MAP7: variants seen among roughly 807,000 people sequenced by gnomAD.
The protein encoded by MAP7 is ensconsin.
A neutral mutation model predicts 94.8 loss-of-function variants in MAP7; 52 were observed. The ratio of observed to expected loss-of-function variants is 0.55; its 90% CI spans 0.44 to 0.69. The LOEUF (loss-of-function observed/expected upper bound fraction) is 0.69. Ranked by LOEUF, MAP7 falls within the 30% of genes least tolerant of loss-of-function variation. The pLI, the probability that MAP7 is intolerant of heterozygous loss-of-function variation, is 0.00. For synonymous variants in MAP7, 350 were observed against 357.0 expected, an observed-to-expected ratio of 0.98 and a Z score of 0.22; for missense variants, 940 against 964.6, an observed-to-expected ratio of 0.97 and a Z score of 0.34.
At chr6:136,366,567 C>T in intron 8 of MAP7, 128 bp from the exon 9 acceptor site, 1 of 649,090 alleles carries the variant, frequency 1.5e-6, no homozygotes, top group Admixed American at 2.5e-5. Context: ...GTCACATATA[C>T]CCATTCCATC....
At chr6:136,430,096 T>G (rs1261364259) in intron 1 of MAP7, among the ~76,000 whole-genome samples, 1 of 152,218 alleles carries the variant, frequency 6.6e-6, no homozygotes, top group African/African-American at 2.4e-5. Flanking sequence ...CCATCTATAT[T>G]TTAACCGCTG....
intron 3 of MAP7, among the ~76,000 whole-genome samples, chr6:136,401,003 T>G (rs1203886984): frequency 6.6e-6 from 1 of 152,192 alleles, no homozygotes. Flanking sequence ...TCATGCATGG[T>G]GCACCCTAAC....
At chr6:136,500,903 T>G (rs1290837427) in intron 1 of MAP7, among the ~76,000 whole-genome samples, 1 of 152,152 alleles carries the variant, frequency 6.6e-6, no homozygotes, top group Non-Finnish European at 1.5e-5. Flanking sequence ...TTAGTAGATT[T>G]TAAAGCAGAG....
At chr6:136,535,319 G>A (rs1034063437) in intron 1 of MAP7, among the ~76,000 whole-genome samples, 2 of 152,098 alleles carry the variant, frequency 1.3e-5, no homozygotes, top group African/African-American at 4.8e-5. Flanking sequence ...AGGCTTCCTG[G>A]GACCCTCAGC....
intron 1 of MAP7, chr6:136,525,716 G>C: frequency 1.8e-6 from 2 of 1,131,308 alleles, no homozygotes; most frequent in South Asian, 3.4e-5. Context: ...GTGCTAGGAG[G>C]TCACAAGCAC....
chr6:136,472,425 G>A (rs888523661), intron 1 of MAP7, among the ~76,000 whole-genome samples: 1 of 152,144 alleles, frequency 6.6e-6, no homozygotes, highest in Non-Finnish European at 1.5e-5. Flanking sequence ...AGAATATGGG[G>A]CTAAAATACC....
intron 16 of MAP7, among the ~76,000 whole-genome samples, chr6:136,355,121 G>C (rs1790506742): frequency 6.6e-6 from 1 of 152,092 alleles, no homozygotes; most frequent in Non-Finnish European, 1.5e-5. Context: ...GTTGCAGTGA[G>C]CCAAGATAAC....
intron 1 of MAP7, among the ~76,000 whole-genome samples, chr6:136,429,440 C>T (rs1052850092): frequency 6.6e-6 from 1 of 152,216 alleles, no homozygotes; most frequent in Non-Finnish European, 1.5e-5. Context: ...GTGAACATTA[C>T]AGCCTCTGCT....
chr6:136,485,608 G>A (rs934805286), intron 1 of MAP7, among the ~76,000 whole-genome samples: 1 of 137,224 alleles, frequency 7.3e-6, no homozygotes, highest in Non-Finnish European at 1.5e-5. Flanking sequence ...TGTCGCCCAG[G>A]CTGGAGTGCA....
chr6:136,362,346 C>A (rs1793063871), intron 11 of MAP7, 104 bp downstream of exon 11: 1 of 1,386,474 alleles, frequency 7.2e-7, no homozygotes, highest in East Asian at 2.3e-5. Flanking sequence ...AAGAACTAAT[C>A]CATTCACTTT....
chr6:136,414,363 T>C (rs1788656777), intron 2 of MAP7, among the ~76,000 whole-genome samples: 1 of 150,280 alleles, frequency 6.7e-6, no homozygotes, highest in Non-Finnish European at 1.5e-5. Context: ...CTTCCACATA[T>C]TTTTTATGTA....
chr6:136,487,122 T>C lies in MAP7; in HGVS notation c.67+63220A>G, dbSNP rs1220559219. 3.3e-5 allele frequency among the ~76,000 whole-genome samples: 5 copies of C among 152,182 alleles called. No individual in the cohort carries two copies. The East Asian group carries it at 9.6e-4, about 29-fold the overall frequency. On this transcript the variant is annotated intron_variant, in intron 1 of 17. Transcript: ENST00000354570. The stretch of plus-strand genomic sequence containing the variant: ...ACCACCATTTCTTTGCCCATGACAT[T>C]GACAAGTGGTGGGGAGAGGTGGAAA...
chr6:136,360,611 CA>C lies in MAP7; in HGVS notation c.1803+85del, dbSNP rs1792332221. 4 of 1,104,364 alleles carry C rather than the reference CA, an allele frequency of 3.6e-6. No homozygotes were observed. The East Asian group carries it at 9.4e-5, about 26-fold the overall frequency. The allele number at this position is 1,104,364 out of a possible 1,614,324, so 68.4% of individuals were successfully genotyped here. Reference sequence around the variant, plus strand: ...ACTAGTTTATGTGGCAAGGGTAGAACACGCGTTTTCTGACGGCCAGGGCTAG... The same window carrying C: ...ACTAGTTTATGTGGCAAGGGTAGAACCGCGTTTTCTGACGGCCAGGGCTAG... On this transcript the variant is annotated intron_variant, in intron 13 of 17. Transcript: ENST00000354570.
At chr6:136,379,558 T>C (rs1025984905) in intron 6 of MAP7, among the ~76,000 whole-genome samples, 1 of 151,972 alleles carries the variant, frequency 6.6e-6, no homozygotes, top group Non-Finnish European at 1.5e-5. Context: ...GTAAAATCAG[T>C]GGGGAAAAGG....
At chr6:136,415,905 G>C (rs1418450106) in intron 2 of MAP7, among the ~76,000 whole-genome samples, 1 of 152,312 alleles carries the variant, frequency 6.6e-6, no homozygotes, top group Admixed American at 6.5e-5. Flanking sequence ...GATGCATAGT[G>C]GTTGTGATAC....
chr6:136,430,567 GA>G (rs1012130751), intron 1 of MAP7, among the ~76,000 whole-genome samples: 3 of 152,112 alleles, frequency 2.0e-5, no homozygotes, highest in Non-Finnish European at 4.4e-5. Context: ...CTCCTCTGTA[GA>G]AAATATTAAA....
chr6:136,363,218 C>G lies in MAP7; in HGVS notation c.1274-516G>C, dbSNP rs13202046. Among the ~76,000 whole-genome samples, 778 of 152,342 alleles carry G rather than the reference C, an allele frequency of 5.1e-3. 8 individuals are homozygous for G. The highest frequency in any genetic ancestry group is 7.5e-3 in the Non-Finnish European group (512 of 68,028). On this transcript the variant is annotated intron_variant, in intron 10 of 17. Coordinates refer to ENST00000354570, the MANE Select transcript of MAP7 (RefSeq NM_003980.6). ...GTCTCTAGGTCTGAGATGGGAGGAG[C>G]TCGGGGCCTCTTTGGGAGCTGGTGC...
intron 1 of MAP7, among the ~76,000 whole-genome samples, chr6:136,429,487 T>C (rs1417853961): frequency 6.6e-6 from 1 of 152,242 alleles, no homozygotes; most frequent in Non-Finnish European, 1.5e-5. Flanking sequence ...TTGGGAAATT[T>C]GTAAACCCCA....
intron 1 of MAP7, among the ~76,000 whole-genome samples, chr6:136,436,493 C>A (rs1796412315): frequency 1.3e-5 from 2 of 152,000 alleles, no homozygotes; most frequent in African/African-American, 4.8e-5. Context: ...GATCCTTCTG[C>A]CTCAGCCTCC....
Sources: allele counts gnomAD v4.1 joint callset (sites outside exome capture counted in the v4.1 genomes callset), GRCh38; gene constraint gnomAD v4.1.1; transcripts MANE v1.5; gene names NCBI Gene and HGNC (gene_info 2026-07-23, HGNC 2026-07-21).